Variants in PKHD1 observed in about 807,000 individuals in gnomAD.
The protein encoded by PKHD1 is fibrocystin.
PKHD1 carries 291 observed loss-of-function variants against 412.0 expected under a neutral mutation model. The observed-to-expected ratio is 0.71, with a 90% CI of 0.64 to 0.78. PKHD1 has a LOEUF of 0.78. Among genes scored for constraint, PKHD1 ranks in the 30% least tolerant of loss-of-function variants. The probability of loss-of-function intolerance (pLI) is 0.00; values close to 1 mark genes in which losing one functional copy is unlikely to be tolerated. For synonymous variants in PKHD1, 1,777 were observed against 1,821.5 expected, an observed-to-expected ratio of 0.98 and a Z score of 0.62; for missense variants, 4,825 against 4,950.7, an observed-to-expected ratio of 0.97 and a Z score of 0.76.
intron 46 of PKHD1, among the ~76,000 whole-genome samples, chr6:51,872,697 C>T (rs1776163963): frequency 6.6e-6 from 1 of 152,080 alleles, no homozygotes; most frequent in South Asian, 2.1e-4. Flanking sequence ...GTGTGAGCCA[C>T]TGAATCTGAG....
chr6:52,039,647 T>C (rs1326620830), intron 27 of PKHD1, among the ~76,000 whole-genome samples: 3 of 152,202 alleles, frequency 2.0e-5, no homozygotes, highest in African/African-American at 7.2e-5. Context: ...CCCTCTTATA[T>C]TGCTAGTAGG....
At chr6:51,657,172 A>G (rs546691106) in intron 61 of PKHD1, among the ~76,000 whole-genome samples, 1 of 152,124 alleles carries the variant, frequency 6.6e-6, no homozygotes, top group South Asian at 2.1e-4. Context: ...CTGCTGGCTT[A>G]AGGTCAGTTC....
At chr6:51,621,163 G>A (rs938108329) in intron 66 of PKHD1, among the ~76,000 whole-genome samples, 1 of 152,042 alleles carries the variant, frequency 6.6e-6, no homozygotes, top group African/African-American at 2.4e-5. Context: ...CTTTCCTTAT[G>A]TAACAGTCTC....
chr6:52,079,965 C>G lies in PKHD1; in HGVS notation c.325G>C (p.Ala109Pro). 2 of 1,612,236 alleles carry G rather than the reference C, an allele frequency of 1.2e-6. No individual in the cohort carries two copies. The highest frequency in any genetic ancestry group is 1.7e-6 in the Non-Finnish European group (2 of 1,178,288). The stretch of plus-strand genomic sequence containing the variant: ...CTTACCAGCTGTCCCCCGAAGTATG[C>G]TTCCAGGAAGTACAGACCCTCATGT... ...EAHEGLYFLE[A>P]YFGGQLVSSP... The change falls in exon 5 of 67, where the codon GCA (alanine) becomes CCA (proline). Residue 109 changes from alanine to proline, a missense_variant. Transcript: ENST00000371117.
chr6:51,720,532 T>A (rs896142391), intron 60 of PKHD1, among the ~76,000 whole-genome samples: 1 of 152,152 alleles, frequency 6.6e-6, no homozygotes, highest in African/African-American at 2.4e-5. Context: ...CCATGCTTTT[T>A]CTGGCCAACT....
intron 60 of PKHD1, among the ~76,000 whole-genome samples, chr6:51,678,781 C>A (rs1212664517): frequency 1.3e-5 from 2 of 151,986 alleles, no homozygotes; most frequent in South Asian, 2.1e-4. Flanking sequence ...CCATCATCAC[C>A]CTACACCTTC....
At chr6:51,663,019 T>A (rs920864404) in intron 60 of PKHD1, among the ~76,000 whole-genome samples, 1 of 152,054 alleles carries the variant, frequency 6.6e-6, no homozygotes, top group Non-Finnish European at 1.5e-5. Context: ...CTAACTCTAA[T>A]GTTAAGAGTT....
chr6:51,787,985 T>C (rs917021982), intron 53 of PKHD1, among the ~76,000 whole-genome samples: 3 of 152,130 alleles, frequency 2.0e-5, no homozygotes, highest in Non-Finnish European at 4.4e-5. Context: ...AGTAAACAAA[T>C]GGGCAAATGG....
intron 35 of PKHD1, among the ~76,000 whole-genome samples, chr6:51,998,332 G>A (rs1300640889): frequency 6.6e-6 from 1 of 152,172 alleles, no homozygotes; most frequent in Non-Finnish European, 1.5e-5. Flanking sequence ...GGGAAGGGAA[G>A]TGCTTCCTTG....
chr6:51,768,106 A>T (rs1489371357), intron 55 of PKHD1, among the ~76,000 whole-genome samples: 1 of 151,882 alleles, frequency 6.6e-6, no homozygotes, highest in African/African-American at 2.4e-5. Context: ...TTGGCTGCAT[A>T]AATGTCTTCT....
chr6:51,739,783 C>T (rs1453299729), intron 60 of PKHD1, among the ~76,000 whole-genome samples: 1 of 152,040 alleles, frequency 6.6e-6, no homozygotes, highest in African/African-American at 2.4e-5. Context: ...ACCTCCCTTC[C>T]ACTTTTTTTT....
intron 13 of PKHD1, among the ~76,000 whole-genome samples, chr6:52,064,506 C>T (rs1809193771): frequency 6.6e-6 from 1 of 152,122 alleles, no homozygotes; most frequent in Non-Finnish European, 1.5e-5. Context: ...GAGAAAAATT[C>T]ATATTTAAAT....
At position 51,627,039 on chromosome 6, in the gene PKHD1, C is replaced by T. The variant is rs768605420; in HGVS notation, c.11743G>A (p.Glu3915Lys). ...IHIHISSKRR[E>K]SQGPKKEDTV... ...TCTTCTTTTTTGGGCCCTTGTGATT[C>T]TCGGCGTTTGGATGAGATGTGGATA... Residue 3915 changes from glutamate (E) to lysine (K), a missense_variant, in exon 66 of 67, where the codon GAA becomes AAA. Physicochemically the swap from Glu to Lys is moderately conservative, Grantham distance 56. Transcript: ENST00000371117. 3 of 1,613,286 alleles carry T rather than the reference C, an allele frequency of 1.9e-6. No homozygotes were observed. In the South Asian group the frequency reaches 3.3e-5, roughly 18 times the overall value.
intron 43 of PKHD1, among the ~76,000 whole-genome samples, chr6:51,894,791 C>T (rs1779636250): frequency 6.6e-6 from 1 of 152,320 alleles, no homozygotes; most frequent in East Asian, 1.9e-4. Context: ...TTAATTAATA[C>T]TATCATACCA....
intron 60 of PKHD1, among the ~76,000 whole-genome samples, chr6:51,734,840 A>C (rs1288176793): frequency 6.6e-6 from 1 of 152,226 alleles, no homozygotes; most frequent in Non-Finnish European, 1.5e-5. Context: ...TATTATAAGT[A>C]ATCGACACAC....
At chr6:51,936,776 A>C (rs1442394430) in intron 36 of PKHD1, among the ~76,000 whole-genome samples, 1 of 97,618 alleles carries the variant, frequency 1.0e-5, no homozygotes, top group Non-Finnish European at 2.0e-5. Flanking sequence ...AGAGACATTA[A>C]GACTGACAAA....
rs138184195 is a variant in PKHD1 at position 52,069,524 on chromosome 6, T to C, written c.711A>G (p.Ser237=). ...VSFSVFNKGK[S]MVHKKAWLIS... is the part of the protein sequence containing the mutation. Reference sequence around the variant, plus strand: ...TCAGCCATGCCTTCTTGTGGACCATTGACCTTCGAAAAAGACAAAGTTCTG... The same window carrying C: ...TCAGCCATGCCTTCTTGTGGACCATCGACCTTCGAAAAAGACAAAGTTCTG... The change falls in exon 11 of 67, where the codon TCA becomes TCG. Residue 237 remains serine (S), a synonymous_variant. Coordinates refer to ENST00000371117, the MANE Select transcript of PKHD1 (RefSeq NM_138694.4). 3 of 1,612,480 alleles carry C rather than the reference T, an allele frequency of 1.9e-6. No individual in the cohort carries two copies. Among genetic ancestry groups the C allele is most frequent in the Non-Finnish European group, 2.5e-6 (3 of 1,178,538 alleles).
In PKHD1 at chr6:51,903,593, T is replaced by C; in HGVS notation, c.6996+4A>G. The C allele has an allele frequency of 6.2e-7, 1 of 1,609,438 alleles. No individual in the cohort carries two copies. Among genetic ancestry groups the C allele is most frequent in the Non-Finnish European group, 8.5e-7 (1 of 1,176,736 alleles). On this transcript the variant is annotated splice_donor_region_variant and intron_variant, in intron 43 of 66. Transcript: ENST00000371117. ...GGTCTTCCTGGTAGAGCTGAACATC[T>C]TACCTCTATAACATTGGTGGGACTG...
chr6:52,037,041 T>C (rs1006246335), intron 27 of PKHD1, among the ~76,000 whole-genome samples: 1 of 152,128 alleles, frequency 6.6e-6, no homozygotes, highest in African/African-American at 2.4e-5. Flanking sequence ...GTAACTATGG[T>C]ATCAACTATG....
Sources: allele counts gnomAD v4.1 joint callset (sites outside exome capture counted in the v4.1 genomes callset), GRCh38; gene constraint gnomAD v4.1.1; transcripts MANE v1.5; gene names NCBI Gene and HGNC (gene_info 2026-07-23, HGNC 2026-07-21).